Variants in FEM1C observed in about 807,000 individuals in gnomAD.
The protein encoded by FEM1C is fem-1 homolog C.
A neutral mutation model predicts 37.6 loss-of-function variants in FEM1C; 15 were observed. The ratio of observed to expected loss-of-function variants is 0.40; its 90% CI spans 0.27 to 0.61. The LOEUF (loss-of-function observed/expected upper bound fraction) is 0.61. Ranked by LOEUF, FEM1C falls within the 20% of genes least tolerant of loss-of-function variation. The probability of loss-of-function intolerance (pLI) is 0.42; values close to 1 mark genes in which losing one functional copy is unlikely to be tolerated. For missense variants in FEM1C, 532 were observed against 749.7 expected (o/e 0.71, Z 3.39); for synonymous variants, 287 against 272.8 (o/e 1.05, Z -0.51).
Position 115,542,986 on chromosome 5 carries a change from C to G in FEM1C, c.508G>C (p.Glu170Gln), listed in dbSNP as rs1754272855. 1.2e-6 allele frequency: 2 copies of G among 1,613,734 alleles called. No homozygotes were observed. Among genetic ancestry groups the G allele is most frequent in the Admixed American group, 1.7e-5 (1 of 59,984 alleles). Residue 170 changes from glutamate to glutamine, a missense_variant, in exon 2 of 3, where the codon GAA (glutamate) becomes CAA (glutamine). Coordinates refer to ENST00000274457, the MANE Select transcript of FEM1C (RefSeq NM_020177.3). The stretch of plus-strand genomic sequence containing the variant: ...TTTCTATTAACATCTGCCCCCTTTT[C>G]AAGTAAATACTGAGCAATCTCTTTA... ...GHKEIAQYLL[E>Q]KGADVNRKSV...
rs1754276872 is a variant in FEM1C, at chr5:115,543,204, T to C, written c.290A>G (p.Lys97Arg). Residue 97 changes from lysine (K) to arginine (R), a missense_variant, in exon 2 of 3, where the codon AAG becomes AGG. Transcript: ENST00000274457. ...LWAASAAGHL[K>R]VVQSLLNHGA... ...ATGATTTAACAAGGACTGGACCACC[T>C]TCAGATGTCCTGCTGCAGAAGCGGC... 1 of 1,614,106 alleles carries C rather than the reference T, an allele frequency of 6.2e-7. No individual in the cohort carries two copies. The highest frequency in any genetic ancestry group is 1.1e-5 in the South Asian group (1 of 91,086).
At chr5:115,525,666 A>G (rs754180099) in intron 2 of FEM1C, 49 bp from the exon 3 acceptor site, 6 of 1,335,806 alleles carry the variant, frequency 4.5e-6, no homozygotes, top group Non-Finnish European at 6.2e-6. Context: ...AGGGACCAAA[A>G]TATAATGTAA....
rs1313148242 is a variant in FEM1C at position 115,525,288 on chromosome 5, G to A, written c.874C>T (p.Leu292=). The A allele has an allele frequency of 7.4e-6, 12 of 1,613,668 alleles. No individual in the cohort carries two copies. The highest frequency in any genetic ancestry group is 1.3e-5 in the African/African-American group (1 of 74,986). Residue 292 remains leucine, a synonymous_variant, in exon 3 of 3, where the codon CTA becomes TTA. Transcript: ENST00000274457. ...TTGGCATAATCATAAGCCATTATTA[G>A]TGTCTGTGGCACTGGTTTACTAATA... The part of the protein sequence containing the change: ...NIISKPVPQT[L]IMAYDYAKEV...
rs767498039 is a variant in FEM1C at position 115,542,966 on chromosome 5, A to G, written c.528T>C (p.Asn176=). 1.1e-5 allele frequency: 17 copies of G among 1,611,180 alleles called. No homozygotes were observed. The highest frequency in any genetic ancestry group is 1.3e-5 in the Non-Finnish European group (15 of 1,178,310). Residue 176 remains asparagine, a synonymous_variant, in exon 2 of 3, where the codon AAT becomes AAC. Coordinates refer to ENST00000274457, the MANE Select transcript of FEM1C (RefSeq NM_020177.3). ...QYLLEKGADV[N]RKSVKGNTAL... is the part of the protein sequence containing the mutation. ...TGAACTCACCTTTGACACTTTTTCTATTAACATCTGCCCCCTTTTCAAGTA... is the reference window on the plus strand; with the variant it reads ...TGAACTCACCTTTGACACTTTTTCTGTTAACATCTGCCCCCTTTTCAAGTA...
intron 2 of FEM1C, among the ~76,000 whole-genome samples, chr5:115,542,234 C>A (rs1754257540): frequency 6.6e-6 from 1 of 152,260 alleles, no homozygotes; most frequent in Admixed American, 6.5e-5. Context: ...AAAACCGGAG[C>A]CCTTCTTCTG....
intron 2 of FEM1C, among the ~76,000 whole-genome samples, chr5:115,529,927 G>A (rs1753981637): frequency 6.6e-6 from 1 of 151,622 alleles, no homozygotes; most frequent in South Asian, 2.1e-4. Context: ...GAAGACCAAG[G>A]AACACAAAAC....
intron 2 of FEM1C, among the ~76,000 whole-genome samples, chr5:115,525,890 T>C (rs1350423321): frequency 6.6e-6 from 1 of 152,150 alleles, no homozygotes. Flanking sequence ...GGTCTCTTCG[T>C]ATTTTTCATT....
Position 115,534,226 on chromosome 5 carries a change from G to T in FEM1C, c.545-8609C>A, listed in dbSNP as rs371237757. The stretch of plus-strand genomic sequence containing the variant: ...GTAAGTGCTCGTGCATTAAAGGGTG[G>T]TAGTATTCCTCAAGAAGCATCTGAA... On this transcript the variant is annotated intron_variant, in intron 2 of 2. Transcript: ENST00000274457. Among the ~76,000 whole-genome samples the T allele has an allele frequency of 7.2e-5, 11 of 152,064 alleles. No homozygotes were observed. In the East Asian group the frequency reaches 1.5e-3, roughly 21 times the overall value.
At chr5:115,538,388 T>G (rs1754170567) in intron 2 of FEM1C, among the ~76,000 whole-genome samples, 1 of 152,052 alleles carries the variant, frequency 6.6e-6, no homozygotes, top group Admixed American at 6.6e-5. Flanking sequence ...ATGTATTTAT[T>G]TCCCTACAGA....
rs1230060897 is a variant in FEM1C at position 115,525,624 on chromosome 5, G to C, written c.545-7C>G. On this transcript the variant is annotated splice_polypyrimidine_tract_variant and splice_region_variant and intron_variant, in intron 2 of 2. Coordinates refer to ENST00000274457, the MANE Select transcript of FEM1C (RefSeq NM_020177.3). ...TCATGCAATGCAGTATTACCTTAAA[G>C]AGAGAGAGAAAAAAAGAAATAACAT... 1.3e-6 allele frequency: 2 copies of C among 1,595,628 alleles called. No individual in the cohort carries two copies.
In FEM1C at chr5:115,525,193, T is replaced by G. The variant is rs771491592; in HGVS notation, c.969A>C (p.Leu323=). Residue 323 remains leucine (L), a synonymous_variant, in exon 3 of 3, where the codon CTA becomes CTC. Coordinates refer to ENST00000274457, the MANE Select transcript of FEM1C (RefSeq NM_020177.3). ...GACCAAGAATACGTTCTCTGATTAA[T>G]AGTGCCTGCATTCTCATCTCATCAG... ...ADPDEMRMQA[L]LIRERILGPS... 3 of 1,613,494 alleles carry G rather than the reference T, an allele frequency of 1.9e-6. No individual in the cohort carries two copies. The highest frequency in any genetic ancestry group is 2.5e-6 in the Non-Finnish European group (3 of 1,179,828).
chr5:115,526,572 T>C (rs940165133), intron 2 of FEM1C, among the ~76,000 whole-genome samples: 3 of 152,172 alleles, frequency 2.0e-5, no homozygotes, highest in Non-Finnish European at 2.9e-5. Context: ...CCAGGTATTT[T>C]AGCTAAGTTT....
At chr5:115,532,516 T>C (rs1312048692) in intron 2 of FEM1C, among the ~76,000 whole-genome samples, 1 of 151,982 alleles carries the variant, frequency 6.6e-6, no homozygotes, top group Non-Finnish European at 1.5e-5. Context: ...AGAGCATTAT[T>C]ACTTACAGCT....
Position 115,521,865 on chromosome 5 carries a change from G to A in FEM1C, c.*2443C>T, listed in dbSNP as rs184450041. The A allele has an allele frequency of 6.6e-6, 1 of 151,770 alleles. No homozygotes were observed. Among genetic ancestry groups the A allele is most frequent in the Non-Finnish European group, 1.5e-5 (1 of 67,794 alleles). The allele number at this position is 151,770 out of a possible 1,614,324, so 9.4% of individuals were successfully genotyped here. A position where few individuals can be genotyped will look rare whatever the true frequency, so the allele number is the denominator to read the frequency against. On this transcript the variant is annotated 3_prime_UTR_variant, in exon 3 of 3. Coordinates refer to ENST00000274457, the MANE Select transcript of FEM1C (RefSeq NM_020177.3). ...TTTCCCTAAAAGAAAATAAAATCAGGGACAATTTTGAGCTATTAAATTAAC... is the reference window on the plus strand; with the variant it reads ...TTTCCCTAAAAGAAAATAAAATCAGAGACAATTTTGAGCTATTAAATTAAC...
chr5:115,533,597 T>A (rs539755776), intron 2 of FEM1C, among the ~76,000 whole-genome samples: 21 of 152,060 alleles, frequency 1.4e-4, no homozygotes, highest in Admixed American at 2.0e-4. Context: ...GTACTATAGA[T>A]TTAGCTCAAG....
Position 115,543,459 on chromosome 5 carries a change from C to G in FEM1C, c.35G>C (p.Arg12Pro), listed in dbSNP as rs1357347805. The G allele has an allele frequency of 6.2e-7, 1 of 1,613,402 alleles. No homozygotes were observed. Among genetic ancestry groups the G allele is most frequent in the Admixed American group, 1.7e-5 (1 of 60,000 alleles). Residue 12 changes from arginine to proline, a missense_variant, in exon 2 of 3, where the codon CGG becomes CCG. Physicochemically the swap from Arg to Pro is moderately radical, Grantham distance 103. Coordinates refer to ENST00000274457, the MANE Select transcript of FEM1C (RefSeq NM_020177.3). ...GGTGAGAAGCCGGAGTTTGCCATCC[C>G]GAGCTGCGTTAAATACTGCTGTCTT... The part of the protein sequence containing the change: ...DLKTAVFNAA[R>P]DGKLRLLTKL...
intron 2 of FEM1C, among the ~76,000 whole-genome samples, chr5:115,542,232 A>G (rs1754257488): frequency 6.6e-6 from 1 of 152,190 alleles, no homozygotes; most frequent in South Asian, 2.1e-4. Context: ...CAAAAACCGG[A>G]GCCCTTCTTC....
chr5:115,530,801 AT>A (rs965996893), intron 2 of FEM1C, among the ~76,000 whole-genome samples: 1 of 151,884 alleles, frequency 6.6e-6, no homozygotes, highest in Non-Finnish European at 1.5e-5. Flanking sequence ...AAATCAGAAA[AT>A]TTTTTTAACT....
intron 2 of FEM1C, among the ~76,000 whole-genome samples, chr5:115,533,086 G>C (rs997097937): frequency 6.6e-6 from 1 of 151,856 alleles, no homozygotes; most frequent in Non-Finnish European, 1.5e-5. Flanking sequence ...ACCTAAAATA[G>C]AATCACAAAT....
Sources: allele counts gnomAD v4.1 joint callset (sites outside exome capture counted in the v4.1 genomes callset), GRCh38; gene constraint gnomAD v4.1.1; transcripts MANE v1.5; gene names NCBI Gene and HGNC (gene_info 2026-07-23, HGNC 2026-07-21).